BCL11B: variants seen among roughly 807,000 people sequenced by gnomAD.
The protein encoded by BCL11B is BCL11 transcription factor B, also known as B-cell lymphoma/leukemia 11B.
Under a neutral mutation model 49.9 loss-of-function variants are expected in BCL11B, and 8 were observed. The observed-to-expected ratio is 0.16, with a 90% CI of 0.09 to 0.29. The LOEUF (loss-of-function observed/expected upper bound fraction) is 0.29. Among genes scored for constraint, BCL11B ranks in the 10% least tolerant of loss-of-function variants. The pLI, the probability that BCL11B is intolerant of heterozygous loss-of-function variation, is 1.00. For missense variants in BCL11B, 1,006 were observed against 1,351.0 expected, an observed-to-expected ratio of 0.74 and a Z score of 4.00; for synonymous variants, 739 against 637.4, an observed-to-expected ratio of 1.16 and a Z score of -2.40.
At position 99,175,672 on chromosome 14, in the gene BCL11B, C is replaced by T. The variant is rs2139760022; in HGVS notation, c.1164G>A (p.Met388Ile). ...PPVSPGRGNP[M>I]HRLLNPFQPS... is the part of the protein sequence containing the mutation. ...GCTGGAAGGGGTTCAGGAGCCGGTGCATAGGGTTGCCGCGGCCCGGGGACA... is the reference window on the plus strand; with the variant it reads ...GCTGGAAGGGGTTCAGGAGCCGGTGTATAGGGTTGCCGCGGCCCGGGGACA... The change falls in exon 4 of 4, where the codon ATG becomes ATA. Residue 388 changes from methionine (M) to isoleucine (I), a missense_variant. Met to Ile is a conservative substitution (Grantham distance 10, BLOSUM62 1). Coordinates refer to ENST00000357195, the MANE Select transcript of BCL11B (RefSeq NM_138576.4). 1 of 1,548,190 alleles carries T rather than the reference C, an allele frequency of 6.5e-7. No homozygotes were observed. Among genetic ancestry groups the T allele is most frequent in the Middle Eastern group, 1.8e-4 (1 of 5,468 alleles).
chr14:99,171,698 C>T lies in BCL11B; in HGVS notation c.*2453G>A. 1 of 209,500 alleles carries T rather than the reference C, an allele frequency of 4.8e-6. No homozygotes were observed. The highest frequency in any genetic ancestry group is 7.2e-5 in the East Asian group (1 of 13,846). The allele number at this position is 209,500 out of a possible 1,614,324, so 13.0% of individuals were successfully genotyped here. ...CATGGTGTAGCAATCCCCTTTGAAT[C>T]CCCAAATACAAGTTTCTATACATTT... On this transcript the variant is annotated 3_prime_UTR_variant, in exon 4 of 4. Transcript: ENST00000357195.
chr14:99,205,446 T>C lies in BCL11B; in HGVS notation c.640+25899A>G, dbSNP rs1887507461. ...AAGCCTGCATCTCCCACTTCTACAA[T>C]GACTGGTTAAATGCGCCCAAGGACC... On this transcript the variant is annotated intron_variant, in intron 3 of 3. Coordinates refer to ENST00000357195, the MANE Select transcript of BCL11B (RefSeq NM_138576.4). This position sits in a 1 kb window ranked among gnomAD's most constrained non-coding sequence, Gnocchi z 5.0. Among the ~76,000 whole-genome samples the C allele has an allele frequency of 1.3e-5, 2 of 152,162 alleles. No homozygotes were observed. The highest frequency in any genetic ancestry group is 6.5e-5 in the Admixed American group (1 of 15,270).
chr14:99,175,552 C>T lies in BCL11B; in HGVS notation c.1284G>A (p.Ser428=), dbSNP rs895104538. 3 of 1,600,440 alleles carry T rather than the reference C, an allele frequency of 1.9e-6. No individual in the cohort carries two copies. The highest frequency in any genetic ancestry group is 2.3e-5 in the East Asian group (1 of 44,044). The change falls in exon 4 of 4, where the codon TCG becomes TCA. Residue 428 remains serine (S), a synonymous_variant. Transcript: ENST00000357195. ...PPPQPPAKSK[S]CEFCGKTFKF... ...TGAAGGTCTTGCCGCAGAACTCGCA[C>T]GACTTGCTCTTGGCTGGCGGCTGCG... is the stretch of plus-strand genomic sequence containing the variant.
intron 3 of BCL11B, among the ~76,000 whole-genome samples, chr14:99,182,097 T>A (rs1159338823): frequency 6.6e-6 from 1 of 152,208 alleles, no homozygotes; most frequent in Non-Finnish European, 1.5e-5. Context: ...TTGATAACCA[T>A]CCCTGCCTGT....
Position 99,192,026 on chromosome 14 carries a change from A to G in BCL11B, c.641-15831T>C, listed in dbSNP as rs1368826631. 6.6e-6 allele frequency among the ~76,000 whole-genome samples: 1 copy of G among 152,178 alleles called. No individual in the cohort carries two copies. Among genetic ancestry groups the G allele is most frequent in the Non-Finnish European group, 1.5e-5 (1 of 68,028 alleles). On this transcript the variant is annotated intron_variant, in intron 3 of 3. Coordinates refer to ENST00000357195, the MANE Select transcript of BCL11B (RefSeq NM_138576.4). The surrounding 1 kb of genome is among the most constrained non-coding windows in gnomAD (Gnocchi z 4.0). ...CCAGAGAGATTACATAAAAAGTACAATTAAGGGACGCTCAGAATCCCGAGG... is the reference window on the plus strand; with the variant it reads ...CCAGAGAGATTACATAAAAAGTACAGTTAAGGGACGCTCAGAATCCCGAGG...
chr14:99,178,185 G>A (rs1886595214), intron 3 of BCL11B, among the ~76,000 whole-genome samples: 1 of 152,188 alleles, frequency 6.6e-6, no homozygotes. Context: ...GCATTACATA[G>A]GGATTCTTTC....
intron 2 of BCL11B, among the ~76,000 whole-genome samples, chr14:99,251,692 C>T (rs1889011722): frequency 6.6e-6 from 1 of 152,182 alleles, no homozygotes; most frequent in Non-Finnish European, 1.5e-5. Flanking sequence ...TATACAAAAG[C>T]CACAGACTGA....
chr14:99,225,969 G>T (rs1000503442), intron 3 of BCL11B, among the ~76,000 whole-genome samples: 1 of 152,236 alleles, frequency 6.6e-6, no homozygotes, highest in Non-Finnish European at 1.5e-5. Flanking sequence ...AGAAAGAGGC[G>T]TCTGGGTTCT....
At position 99,257,412 on chromosome 14, in the gene BCL11B, A is replaced by C; in HGVS notation, c.427+59T>G. 6.5e-7 allele frequency: 1 copy of C among 1,536,504 alleles called. No homozygotes were observed. Among genetic ancestry groups the C allele is most frequent in the Non-Finnish European group, 8.8e-7 (1 of 1,136,134 alleles). ...CCCCTGCACCAGCACACTCAGGCAG[A>C]GGGCATGGGACCCAGGAGGTGGCTT... On this transcript the variant is annotated intron_variant, in intron 2 of 3. Coordinates refer to ENST00000357195, the MANE Select transcript of BCL11B (RefSeq NM_138576.4). The surrounding 1 kb of genome is among the most constrained non-coding windows in gnomAD (Gnocchi z 6.2).
intron 3 of BCL11B, among the ~76,000 whole-genome samples, chr14:99,191,114 A>C (rs1027196790): frequency 1.1e-4 from 17 of 152,192 alleles, no homozygotes; most frequent in African/African-American, 2.7e-4. Context: ...AGAAAAAAAC[A>C]GCCTAGGACA....
In BCL11B at chr14:99,241,739, A is replaced by G. The variant is rs995882874; in HGVS notation, c.428-10182T>C. 7.8e-4 allele frequency among the ~76,000 whole-genome samples: 118 copies of G among 152,182 alleles called. No individual in the cohort carries two copies. Among genetic ancestry groups the G allele is most frequent in the African/African-American group, 2.8e-3 (116 of 41,524 alleles). ...CTTATTCTACATCCTAATTTCTTTGAAAAAAACATCAGTGTCACTAAAAAA... is the reference window on the plus strand; with the variant it reads ...CTTATTCTACATCCTAATTTCTTTGGAAAAAACATCAGTGTCACTAAAAAA... On this transcript the variant is annotated intron_variant, in intron 2 of 3. Coordinates refer to ENST00000357195, the MANE Select transcript of BCL11B (RefSeq NM_138576.4). This position sits in a 1 kb window ranked among gnomAD's most constrained non-coding sequence, Gnocchi z 4.4.
At chr14:99,230,147 G>A (rs1250402456) in intron 3 of BCL11B, among the ~76,000 whole-genome samples, 1 of 152,200 alleles carries the variant, frequency 6.6e-6, no homozygotes, top group Non-Finnish European at 1.5e-5. Context: ...AGGGAGCTCT[G>A]GAGCCCAGGA....
At chr14:99,237,170 G>A (rs1012903265) in intron 2 of BCL11B, among the ~76,000 whole-genome samples, 5 of 151,816 alleles carry the variant, frequency 3.3e-5, no homozygotes, top group African/African-American at 4.8e-5. Flanking sequence ...CAGGTCTTTG[G>A]GGTTGAGGGT....
At chr14:99,239,887 G>T (rs1452257631) in intron 2 of BCL11B, among the ~76,000 whole-genome samples, 1 of 152,096 alleles carries the variant, frequency 6.6e-6, no homozygotes, top group Non-Finnish European at 1.5e-5. Context: ...GAATCCCGGA[G>T]AATTAAGAAT....
At position 99,175,315 on chromosome 14, in the gene BCL11B, G is replaced by A. The variant is rs745896590; in HGVS notation, c.1521C>T (p.Gly507=). 670 of 1,542,068 alleles carry A rather than the reference G, an allele frequency of 4.3e-4. No individual in the cohort carries two copies. Among genetic ancestry groups the A allele is most frequent in the Non-Finnish European group, 4.9e-4 (568 of 1,149,272 alleles). Residue 507 remains glycine, a synonymous_variant, in exon 4 of 4, where the codon GGC becomes GGT. Transcript: ENST00000357195. The stretch of plus-strand genomic sequence containing the variant: ...CACCGTCGGCCGCCTTGAGGCCCTC[G>A]CCCGCCAGCTCGCTGGTGCCGGGCT... The part of the protein sequence containing the change: ...SPEPGTSELA[G]EGLKAADGDF...
chr14:99,253,025 C>T (rs899526390), intron 2 of BCL11B, among the ~76,000 whole-genome samples: 5 of 152,234 alleles, frequency 3.3e-5, no homozygotes, highest in African/African-American at 1.2e-4. Flanking sequence ...TAGAAGCATC[C>T]ACTTCTTGAT....
At chr14:99,246,815 G>GGAGGA (rs1282944133) in intron 2 of BCL11B, among the ~76,000 whole-genome samples, 7 of 152,310 alleles carry the variant, frequency 4.6e-5, no homozygotes, top group Middle Eastern at 6.8e-3. Flanking sequence ...CGCGGGGAGG[G>GGAGGA]GAGGAGGCCA....
intron 1 of BCL11B, among the ~76,000 whole-genome samples, chr14:99,268,647 A>G (rs7146019): frequency 0.67 from 101,970 of 151,608 alleles, 35,152 homozygotes; most frequent in East Asian, 0.98. Flanking sequence ...CCTCCCTCCC[A>G]GGTGACACAG....
At chr14:99,197,202 T>C (rs1253949830) in intron 3 of BCL11B, among the ~76,000 whole-genome samples, 1 of 152,168 alleles carries the variant, frequency 6.6e-6, no homozygotes, top group Non-Finnish European at 1.5e-5. Flanking sequence ...ATTTGGGCAC[T>C]GTCTAGGGAT....
Sources: allele counts gnomAD v4.1 joint callset (sites outside exome capture counted in the v4.1 genomes callset), GRCh38; gene constraint gnomAD v4.1.1; non-coding constraint Gnocchi (gnomAD v3.1); transcripts MANE v1.5; gene names NCBI Gene and HGNC (gene_info 2026-07-23, HGNC 2026-07-21).